SEC22A: variants seen among roughly 807,000 people sequenced by gnomAD.
SEC22A encodes vesicle-trafficking protein SEC22a.
Under a neutral mutation model 35.3 loss-of-function variants are expected in SEC22A, and 22 were observed. The ratio of observed to expected loss-of-function variants is 0.62; its 90% CI spans 0.45 to 0.89. The LOEUF (loss-of-function observed/expected upper bound fraction) is 0.89, where lower values mean the gene tolerates loss of function less well. Ranked by LOEUF, SEC22A falls within the 40% of genes least tolerant of loss-of-function variation. The pLI, the probability that SEC22A is intolerant of heterozygous loss-of-function variation, is 0.00. For missense variants in SEC22A, 354 were observed against 362.5 expected (o/e 0.98, Z 0.19); for synonymous variants, 119 against 129.5 (o/e 0.92, Z 0.55).
At chr3:123,232,841 TA>T (rs1937346015) in intron 4 of SEC22A, among the ~76,000 whole-genome samples, 1 of 151,944 alleles carries the variant, frequency 6.6e-6, no homozygotes, top group African/African-American at 2.4e-5. Flanking sequence ...GCAACGTATT[TA>T]AAAAATTAGG....
chr3:123,243,320 A>G (rs1331598480), intron 4 of SEC22A, among the ~76,000 whole-genome samples: 2 of 152,292 alleles, frequency 1.3e-5, no homozygotes, highest in Non-Finnish European at 2.9e-5. Context: ...TGTTGGAAGG[A>G]TACAGTGAGA....
intron 2 of SEC22A, 21 bp downstream of exon 2, chr3:123,209,420 A>C: frequency 6.3e-7 from 1 of 1,579,080 alleles, no homozygotes. Context: ...AGTTTGCTTC[A>C]TTTGACTCAT....
chr3:123,231,630 T>C (rs1937328977), intron 4 of SEC22A, among the ~76,000 whole-genome samples: 1 of 151,980 alleles, frequency 6.6e-6, no homozygotes, highest in Non-Finnish European at 1.5e-5. Flanking sequence ...TGAATGAAAA[T>C]GAAGATTCAG....
At chr3:123,212,772 A>G (rs1481975454) in intron 2 of SEC22A, among the ~76,000 whole-genome samples, 1 of 152,130 alleles carries the variant, frequency 6.6e-6, no homozygotes, top group East Asian at 1.9e-4. Context: ...AGGAAAATAG[A>G]GATAGGAGAA....
chr3:123,260,873 T>A (rs1470156690), intron 6 of SEC22A, among the ~76,000 whole-genome samples: 1 of 150,376 alleles, frequency 6.6e-6, no homozygotes, highest in East Asian at 1.9e-4. Flanking sequence ...TCTCGCTCTG[T>A]CGCCCAGGCT....
At chr3:123,226,183 T>C (rs1462655118) in intron 4 of SEC22A, among the ~76,000 whole-genome samples, 2 of 152,246 alleles carry the variant, frequency 1.3e-5, no homozygotes, top group Non-Finnish European at 2.9e-5. Context: ...CTCTTCGATA[T>C]GCTGATTTCC....
At chr3:123,237,110 G>A (rs1387111435) in intron 4 of SEC22A, among the ~76,000 whole-genome samples, 1 of 152,178 alleles carries the variant, frequency 6.6e-6, no homozygotes. Context: ...AAGAATGAGC[G>A]AGGCTGTGTT....
At chr3:123,239,348 A>G (rs960915422) in intron 4 of SEC22A, among the ~76,000 whole-genome samples, 6 of 152,074 alleles carry the variant, frequency 3.9e-5, no homozygotes, top group Admixed American at 6.6e-5. Context: ...CACAATGTGC[A>G]GGTTAGTTAC....
chr3:123,209,867 A>G lies in SEC22A; in HGVS notation c.182+468A>G, dbSNP rs1034100099. 5.3e-5 allele frequency among the ~76,000 whole-genome samples: 8 copies of G among 152,208 alleles called. No homozygotes were observed. In the East Asian group the frequency reaches 7.7e-4, roughly 15 times the overall value. On this transcript the variant is annotated intron_variant, in intron 2 of 6. Coordinates refer to ENST00000492595, the MANE Select transcript of SEC22A (RefSeq NM_012430.5). ...TCAAGACACTCTCTGAGAGGGTGACATTTGAGCAGAGACCTAAAAGATGAG... is the reference window on the plus strand; with the variant it reads ...TCAAGACACTCTCTGAGAGGGTGACGTTTGAGCAGAGACCTAAAAGATGAG...
chr3:123,273,902 G>C lies in SEC22A; in HGVS notation c.*2180G>C, dbSNP rs995657533. 2.6e-5 allele frequency: 4 copies of C among 152,118 alleles called. No homozygotes were observed. The highest frequency in any genetic ancestry group is 9.7e-5 in the African/African-American group (4 of 41,404). 9.4% of individuals were successfully genotyped at this position (152,118 alleles called of 1,614,324 possible). On this transcript the variant is annotated 3_prime_UTR_variant, in exon 7 of 7. Coordinates refer to ENST00000492595, the MANE Select transcript of SEC22A (RefSeq NM_012430.5). The stretch of plus-strand genomic sequence containing the variant: ...TCTGGTTGAGATTTTGCTCTGTATT[G>C]ACACAGCTCGCACCAGTTTGGTTCA...
intron 2 of SEC22A, among the ~76,000 whole-genome samples, chr3:123,211,974 T>C (rs1936945359): frequency 6.6e-6 from 1 of 152,092 alleles, no homozygotes; most frequent in South Asian, 2.1e-4. Flanking sequence ...GGAGGATCGC[T>C]TGAGCCTAGG....
In SEC22A at chr3:123,269,215, G is replaced by GTGTGTA. The variant is rs10642998; in HGVS notation, c.724-2306_724-2305insGTGTAT. On this transcript the variant is annotated intron_variant, in intron 6 of 6. Transcript: ENST00000492595. ...TGTGTGTGTGTGTGTGTGTGTGTGT[G>GTGTGTA]TATATATTACTGGAAATGCTAGCTC... is the stretch of plus-strand genomic sequence containing the variant. Among the ~76,000 whole-genome samples the GTGTGTA allele has an allele frequency of 8.7e-3, 1,186 of 136,874 alleles. 25 individuals are homozygous for GTGTGTA. Among genetic ancestry groups the GTGTGTA allele is most frequent in the African/African-American group, 0.03 (1,085 of 36,240 alleles). The allele number at this position is 136,874 out of a possible 152,430, so 89.8% of individuals were successfully genotyped here. A position where few individuals can be genotyped will look rare whatever the true frequency, so the allele number is the denominator to read the frequency against.
At chr3:123,208,166 C>T (rs868671404) in intron 1 of SEC22A, among the ~76,000 whole-genome samples, 18 of 152,242 alleles carry the variant, frequency 1.2e-4, no homozygotes, top group Middle Eastern at 3.4e-3. Flanking sequence ...TTCTCCTTAA[C>T]ATGTAAGCAT....
intron 4 of SEC22A, among the ~76,000 whole-genome samples, chr3:123,234,039 G>A (rs1559757074): frequency 6.6e-6 from 1 of 152,132 alleles, no homozygotes; most frequent in Non-Finnish European, 1.5e-5. Flanking sequence ...AAAAACAATT[G>A]TATTCTATAC....
intron 4 of SEC22A, among the ~76,000 whole-genome samples, chr3:123,236,079 TAA>T (rs764242850): frequency 7.9e-5 from 12 of 152,188 alleles, no homozygotes; most frequent in Non-Finnish European, 1.5e-4. Context: ...CTAATAGGTA[TAA>T]GATTTCTTTT....
At chr3:123,208,404 A>T (rs1936884039) in intron 1 of SEC22A, 1 of 152,246 alleles carries the variant, frequency 6.6e-6, no homozygotes, top group Non-Finnish European at 1.5e-5. Context: ...GTTAAAAGGT[A>T]TGCCTTCAGA....
At position 123,272,738 on chromosome 3, in the gene SEC22A, A is replaced by C. The variant is rs1209134852; in HGVS notation, c.*1016A>C. The C allele has an allele frequency of 1.3e-5, 2 of 153,796 alleles. No homozygotes were observed. Among genetic ancestry groups the C allele is most frequent in the Non-Finnish European group, 2.9e-5 (2 of 68,042 alleles). 9.5% of individuals were successfully genotyped at this position (153,796 alleles called of 1,614,324 possible). A position where few individuals can be genotyped will look rare whatever the true frequency, so the allele number is the denominator to read the frequency against. ...TAGTCAGAGGATAAAAGGAAACTGTAAAGGGAATGACATTCTCACTGTGAT... is the reference window on the plus strand; with the variant it reads ...TAGTCAGAGGATAAAAGGAAACTGTCAAGGGAATGACATTCTCACTGTGAT... On this transcript the variant is annotated 3_prime_UTR_variant, in exon 7 of 7. Transcript: ENST00000492595.
intron 6 of SEC22A, among the ~76,000 whole-genome samples, chr3:123,271,023 G>T (rs1018407537): frequency 6.6e-6 from 1 of 152,198 alleles, no homozygotes; most frequent in African/African-American, 2.4e-5. Flanking sequence ...CAAATGTTCA[G>T]TCAGATGCTG....
At chr3:123,235,404 C>A (rs1380705801) in intron 4 of SEC22A, among the ~76,000 whole-genome samples, 4 of 151,932 alleles carry the variant, frequency 2.6e-5, no homozygotes, top group African/African-American at 9.7e-5. Flanking sequence ...AGAAGTTGTA[C>A]AACTGGACAA....
Sources: gnomAD v4.1 joint callset for allele counts (sites outside exome capture counted in the v4.1 genomes callset) on GRCh38, gnomAD v4.1.1 for gene constraint, MANE v1.5 for transcripts, NCBI Gene and HGNC (gene_info 2026-07-23, HGNC 2026-07-21) for gene names.